The following CUBN variants were observed in gnomAD, a reference collection of about 807,000 sequenced individuals.
The protein encoded by CUBN is 460 kDa receptor.
A neutral mutation model predicts 405.3 loss-of-function variants in CUBN; 282 were observed. The observed-to-expected ratio is 0.70, with a 90% CI of 0.63 to 0.77. The LOEUF is 0.77. Ranked by LOEUF, CUBN falls within the 30% of genes least tolerant of loss-of-function variation. The probability of loss-of-function intolerance (pLI) is 0.00; values close to 1 mark genes in which losing one functional copy is unlikely to be tolerated. For missense variants in CUBN, 4,514 were observed against 4,475.2 expected, an observed-to-expected ratio of 1.01 and a Z score of -0.25; for synonymous variants, 1,684 against 1,617.0, an observed-to-expected ratio of 1.04 and a Z score of -0.99.
At chr10:16,898,254 G>A (rs373170399) in intron 54 of CUBN, among the ~76,000 whole-genome samples, 2 of 151,936 alleles carry the variant, frequency 1.3e-5, no homozygotes, top group Admixed American at 6.6e-5. Flanking sequence ...TTATTACATC[G>A]TATTATCTCC....
chr10:16,938,966 T>C lies in CUBN; in HGVS notation c.5730A>G (p.Leu1910=). 6.2e-7 allele frequency: 1 copy of C among 1,612,458 alleles called. No individual in the cohort carries two copies. The highest frequency in any genetic ancestry group is 8.5e-7 in the Non-Finnish European group (1 of 1,178,840). ...TTGATTGCATGTGGAAACTCACCCTTAATTTGTCATAATAGCAGTTTTGTA... is the reference window on the plus strand; with the variant it reads ...TTGATTGCATGTGGAAACTCACCCTCAATTTGTCATAATAGCAGTTTTGTA... ...EEIQNCYYDK[L]RIYDGPSIHA... Residue 1910 remains leucine, a synonymous_variant, in exon 38 of 67, where the codon TTA becomes TTG. Coordinates refer to ENST00000377833, the MANE Select transcript of CUBN (RefSeq NM_001081.4).
intron 60 of CUBN, 102 bp downstream of exon 60, chr10:16,851,133 G>A (rs372357202): frequency 2.2e-6 from 2 of 924,578 alleles, no homozygotes; most frequent in Non-Finnish European, 3.6e-6. Flanking sequence ...AGTAGCACCT[G>A]TACTCAAAAT....
intron 13 of CUBN, among the ~76,000 whole-genome samples, chr10:17,102,514 T>C (rs192839307): frequency 6.6e-6 from 1 of 151,412 alleles, no homozygotes; most frequent in Admixed American, 6.6e-5. Flanking sequence ...CTTGAATTCC[T>C]GACCTCAGGC....
intron 22 of CUBN, 112 bp downstream of exon 22, chr10:17,065,396 C>T: frequency 7.5e-7 from 1 of 1,332,392 alleles, no homozygotes. Flanking sequence ...CTAAATATAG[C>T]TCTCATTGTG....
chr10:16,986,108 C>A (rs184335182), intron 29 of CUBN, among the ~76,000 whole-genome samples: 1 of 152,298 alleles, frequency 6.6e-6, no homozygotes, highest in South Asian at 2.1e-4. Context: ...TTTCAAACTT[C>A]GATTTGTAAA....
At position 16,837,938 on chromosome 10, in the gene CUBN, G is replaced by C. The variant is rs140290025; in HGVS notation, c.10033-1556C>G. Among the ~76,000 whole-genome samples, 536 of 152,264 alleles carry C rather than the reference G, an allele frequency of 3.5e-3. 1 individual carries two copies. The highest frequency in any genetic ancestry group is 4.6e-3 in the Non-Finnish European group (311 of 68,032). On this transcript the variant is annotated intron_variant, in intron 62 of 66. Coordinates refer to ENST00000377833, the MANE Select transcript of CUBN (RefSeq NM_001081.4). ...TGAAAGTGCCATTCTGTGCCCCGCT[G>C]AGTGGTCCACCCTGATCCCCATTGT...
intron 27 of CUBN, among the ~76,000 whole-genome samples, 200 bp downstream of exon 27, chr10:17,040,833 A>C (rs2131814590): frequency 6.6e-6 from 1 of 152,284 alleles, no homozygotes; most frequent in African/African-American, 2.4e-5. Flanking sequence ...TGAAACCTAA[A>C]AACATAGATA....
At chr10:17,102,041 C>G (rs1348121454) in intron 13 of CUBN, among the ~76,000 whole-genome samples, 2 of 152,056 alleles carry the variant, frequency 1.3e-5, no homozygotes, top group Non-Finnish European at 2.9e-5. Context: ...AAAATACTGT[C>G]TCAGTAACAA....
rs946771083 is a variant in CUBN, at chr10:16,961,904, A to G, written c.4696-7356T>C. Among the ~76,000 whole-genome samples the G allele has an allele frequency of 3.4e-4, 52 of 152,044 alleles. 1 individual carries two copies. In the Middle Eastern group the frequency reaches 0.01, roughly 30 times the overall value. On this transcript the variant is annotated intron_variant, in intron 31 of 66. Transcript: ENST00000377833. ...TTTTTTTGTATTTTCAGTAGAGACA[A>G]GGTTTCACCGTGTTAGCCAGGATGG...
At chr10:16,851,534 T>C (rs1189970503) in intron 59 of CUBN, 91 bp from the exon 60 acceptor site, 1 of 1,151,166 alleles carries the variant, frequency 8.7e-7, no homozygotes, top group Admixed American at 1.7e-5. Context: ...ATAGTTTCCA[T>C]TTTCTGTCAC....
chr10:16,881,806 C>G (rs1255490840), intron 56 of CUBN, among the ~76,000 whole-genome samples: 1 of 152,020 alleles, frequency 6.6e-6, no homozygotes, highest in Non-Finnish European at 1.5e-5. Flanking sequence ...TTAACATCAA[C>G]AAAGTAATAT....
intron 29 of CUBN, among the ~76,000 whole-genome samples, chr10:16,990,012 C>G (rs1290011186): frequency 6.6e-6 from 1 of 152,252 alleles, no homozygotes. Flanking sequence ...AAGGTCCCAG[C>G]GGATGGAGCC....
chr10:16,938,048 G>A (rs778166374), intron 38 of CUBN, among the ~76,000 whole-genome samples: 4 of 152,140 alleles, frequency 2.6e-5, no homozygotes, highest in Non-Finnish European at 5.9e-5. Flanking sequence ...CTCATAAGAT[G>A]ATTTACAGTA....
At chr10:16,905,609 G>A (rs1298957752) in intron 50 of CUBN, among the ~76,000 whole-genome samples, 8 of 152,218 alleles carry the variant, frequency 5.3e-5, no homozygotes, top group African/African-American at 4.8e-5. Context: ...GTGGACTCTC[G>A]CTTCGGCAAA....
chr10:16,842,408 C>G (rs1420542465), intron 60 of CUBN, among the ~76,000 whole-genome samples: 1 of 152,128 alleles, frequency 6.6e-6, no homozygotes, highest in Non-Finnish European at 1.5e-5. Flanking sequence ...AATAAATAAA[C>G]AAGTGCTTTG....
intron 58 of CUBN, among the ~76,000 whole-genome samples, chr10:16,872,766 A>G (rs1225466001): frequency 2.0e-5 from 3 of 152,250 alleles, no homozygotes; most frequent in African/African-American, 7.2e-5. Flanking sequence ...AGTGAGTCAC[A>G]GTAGCAAATG....
At chr10:16,922,596 A>T (rs1001136804) in intron 43 of CUBN, among the ~76,000 whole-genome samples, 2 of 152,162 alleles carry the variant, frequency 1.3e-5, no homozygotes, top group African/African-American at 4.8e-5. Flanking sequence ...GAGCAGAGTG[A>T]TTCCTGCCTG....
At chr10:16,965,968 AT>A (rs1843380694) in intron 31 of CUBN, 1 of 471,110 alleles carries the variant, frequency 2.1e-6, no homozygotes. Flanking sequence ...CCGACCAAGT[AT>A]GATTAAACCT....
intron 48 of CUBN, among the ~76,000 whole-genome samples, chr10:16,912,811 C>G (rs1841770497): frequency 6.6e-6 from 1 of 152,116 alleles, no homozygotes; most frequent in Non-Finnish European, 1.5e-5. Context: ...AGGTGGGCCA[C>G]AGGTGCAATT....
Sources: allele counts gnomAD v4.1 joint callset (sites outside exome capture counted in the v4.1 genomes callset), GRCh38; gene constraint gnomAD v4.1.1; transcripts MANE v1.5; gene names NCBI Gene and HGNC (gene_info 2026-07-23, HGNC 2026-07-21).